PRKAG2: variants seen among roughly 807,000 people sequenced by gnomAD.
The protein encoded by PRKAG2 is protein kinase AMP-activated non-catalytic subunit gamma 2.
In PRKAG2, 26 loss-of-function variants were observed where a neutral mutation model predicts 69.6. That is an observed-to-expected ratio of 0.37 (90% confidence interval 0.27 to 0.52). The LOEUF is 0.52. Among genes scored for constraint, PRKAG2 ranks in the 20% least tolerant of loss-of-function variants. PRKAG2 has a pLI of 0.90. For synonymous variants in PRKAG2, 293 were observed against 285.0 expected (o/e 1.03, Z -0.28); for missense variants, 557 against 740.0 (o/e 0.75, Z 2.87).
intron 1 of PRKAG2, among the ~76,000 whole-genome samples, chr7:151,832,189 C>T (rs13233608): frequency 0.75 from 111,028 of 147,192 alleles, 44,310 homozygotes; most frequent in Non-Finnish European, 0.9. Context: ...AGGGTGGACA[C>T]TAGTGACTGA....
At chr7:151,658,480 C>T (rs1297741418) in intron 4 of PRKAG2, among the ~76,000 whole-genome samples, 30 of 91,322 alleles carry the variant, frequency 3.3e-4, no homozygotes, top group East Asian at 6.2e-4. Flanking sequence ...GCAAGATTGT[C>T]GCAAAAAAAA....
chr7:151,598,204 C>A (rs548089443), intron 5 of PRKAG2, among the ~76,000 whole-genome samples: 1 of 151,996 alleles, frequency 6.6e-6, no homozygotes. Context: ...ATAAGCCAGG[C>A]GTGGAAAGAC....
rs1189812189 is a variant in PRKAG2, at chr7:151,777,752, A to G, written c.466+3400T>C. Among the ~76,000 whole-genome samples the G allele has an allele frequency of 6.6e-6, 1 of 152,198 alleles. No individual in the cohort carries two copies. The highest frequency in any genetic ancestry group is 1.9e-4 in the East Asian group (1 of 5,188). On this transcript the variant is annotated intron_variant, in intron 3 of 15. Coordinates refer to ENST00000287878, the MANE Select transcript of PRKAG2 (RefSeq NM_016203.4). The surrounding 1 kb of genome is among the most constrained non-coding windows in gnomAD (Gnocchi z 4.3). ...TAACAAAGGGAGGAATTTAGTTTAT[A>G]GTTTAATTTGAAAGCAAGGATGATA...
At chr7:151,593,936 T>A (rs943731613) in intron 6 of PRKAG2, among the ~76,000 whole-genome samples, 2 of 152,148 alleles carry the variant, frequency 1.3e-5, no homozygotes, top group Non-Finnish European at 2.9e-5. Flanking sequence ...AAGTCCTGGG[T>A]GGCAGGCACA....
chr7:151,855,186 A>C (rs968791249), intron 1 of PRKAG2, among the ~76,000 whole-genome samples: 2 of 44,918 alleles, frequency 4.5e-5, no homozygotes, highest in South Asian at 7.3e-4. Flanking sequence ...CTCCACACAC[A>C]CCACCCTCCA....
At chr7:151,735,744 A>G (rs918939263) in intron 3 of PRKAG2, among the ~76,000 whole-genome samples, 17 of 152,158 alleles carry the variant, frequency 1.1e-4, no homozygotes, top group African/African-American at 4.1e-4. Flanking sequence ...GCAAGGAAAC[A>G]CTTCCCACGT....
intron 4 of PRKAG2, among the ~76,000 whole-genome samples, chr7:151,649,733 G>C (rs1466641561): frequency 3.3e-5 from 5 of 152,218 alleles, no homozygotes; most frequent in African/African-American, 9.6e-5. Flanking sequence ...CGCCACGTGA[G>C]GTATGTGCGG....
intron 1 of PRKAG2, among the ~76,000 whole-genome samples, chr7:151,840,340 C>T (rs2079246656): frequency 6.6e-6 from 1 of 152,018 alleles, no homozygotes; most frequent in South Asian, 2.1e-4. Flanking sequence ...AGCAGCTGGC[C>T]CAGCAGCCCA....
chr7:151,708,046 C>G (rs566912461), intron 3 of PRKAG2, among the ~76,000 whole-genome samples: 121 of 152,294 alleles, frequency 7.9e-4, no homozygotes, highest in South Asian at 1.5e-3. Flanking sequence ...AACTGGCCCC[C>G]GCTGTCCACA....
chr7:151,662,135 G>A (rs986634181), intron 4 of PRKAG2, among the ~76,000 whole-genome samples: 5 of 152,180 alleles, frequency 3.3e-5, no homozygotes, highest in Non-Finnish European at 5.9e-5. Flanking sequence ...TCCCCGCACC[G>A]GCTGTTACAT....
At chr7:151,821,065 G>GAGCCTCCAACCCCACGGACCTCC (rs2078767437) in intron 1 of PRKAG2, among the ~76,000 whole-genome samples, 1 of 47,546 alleles carries the variant, frequency 2.1e-5, no homozygotes, top group African/African-American at 8.5e-5. Context: ...TGTGGAGACA[G>GAGCCTCCAACCCCACGGACCTCC]GGAACAAGCA....
Position 151,615,948 on chromosome 7 carries a change from G to A in PRKAG2, c.754+16121C>T, listed in dbSNP as rs374494745. On this transcript the variant is annotated intron_variant, in intron 5 of 15. Transcript: ENST00000287878. ...TGCCCTGGTCTACCATTTGCACACC[G>A]GCAGTATAAACACAAAGCATGATTA... Among the ~76,000 whole-genome samples the A allele has an allele frequency of 7.5e-4, 114 of 152,268 alleles. 1 individual carries two copies. In the Middle Eastern group the frequency reaches 0.031, roughly 41 times the overall value.
chr7:151,734,634 C>T (rs768986348), intron 3 of PRKAG2, among the ~76,000 whole-genome samples: 35 of 152,168 alleles, frequency 2.3e-4, no homozygotes, highest in South Asian at 1.4e-3. Flanking sequence ...ACTGTAGCCT[C>T]GACCTCCTGG....
chr7:151,703,846 ACACACACACACAC>A (rs1473619008), intron 3 of PRKAG2, among the ~76,000 whole-genome samples: 2 of 5,226 alleles, frequency 3.8e-4, no homozygotes, highest in East Asian at 0.011. Context: ...TTACTGGAAA[ACACACACACACAC>A]ACACACACAC....
Position 151,771,714 on chromosome 7 carries a change from T to C in PRKAG2, c.466+9438A>G, listed in dbSNP as rs2076030820. Among the ~76,000 whole-genome samples the C allele has an allele frequency of 6.6e-6, 1 of 152,320 alleles. No homozygotes were observed. The highest frequency in any genetic ancestry group is 2.1e-4 in the South Asian group (1 of 4,826). On this transcript the variant is annotated intron_variant, in intron 3 of 15. Coordinates refer to ENST00000287878, the MANE Select transcript of PRKAG2 (RefSeq NM_016203.4). The surrounding 1 kb of genome is among the most constrained non-coding windows in gnomAD (Gnocchi z 4.0). ...TCATCTCCTTCTGGTCTAGCACGTG[T>C]TTTTCACGTTTATATTGTTGTTTTG...
At chr7:151,733,548 T>C (rs892979637) in intron 3 of PRKAG2, among the ~76,000 whole-genome samples, 2 of 152,216 alleles carry the variant, frequency 1.3e-5, no homozygotes, top group Non-Finnish European at 2.9e-5. Flanking sequence ...TAGTTAATAA[T>C]AGGTTCTGGT....
At chr7:151,842,147 GGATGGTAGT>G (rs1245155266) in intron 1 of PRKAG2, among the ~76,000 whole-genome samples, 13 of 124,094 alleles carry the variant, frequency 1.0e-4, no homozygotes, top group East Asian at 1.1e-3. Context: ...TGGTAGGTGG[GGATGGTAGT>G]GATGGTAGTG....
chr7:151,582,069 T>C (rs1810609086), intron 6 of PRKAG2, among the ~76,000 whole-genome samples: 1 of 152,224 alleles, frequency 6.6e-6, no homozygotes, highest in Admixed American at 6.5e-5. Flanking sequence ...AAGACACTGA[T>C]GCTGCGTGGT....
chr7:151,718,335 C>A (rs1414590249), intron 3 of PRKAG2, among the ~76,000 whole-genome samples: 1 of 152,036 alleles, frequency 6.6e-6, no homozygotes, highest in Non-Finnish European at 1.5e-5. Context: ...AGCTTACAGC[C>A]CCACCCTTAT....
Sources: gnomAD v4.1 joint callset for allele counts (sites outside exome capture counted in the v4.1 genomes callset) on GRCh38, gnomAD v4.1.1 for gene constraint, Gnocchi (gnomAD v3.1) non-coding constraint, MANE v1.5 for transcripts, NCBI Gene and HGNC (gene_info 2026-07-23, HGNC 2026-07-21) for gene names.